The following RIMBP2 variants were observed in gnomAD, a reference collection of about 807,000 sequenced individuals.
RIMBP2 encodes the protein RIMS binding protein 2.
A neutral mutation model predicts 118.6 loss-of-function variants in RIMBP2; 48 were observed. The ratio of observed to expected loss-of-function variants is 0.40; its 90% CI spans 0.32 to 0.51. The LOEUF is 0.51. RIMBP2 is among the 20% of genes least tolerant of loss of function. The probability of loss-of-function intolerance (pLI) is 0.41; values close to 1 mark genes in which losing one functional copy is unlikely to be tolerated. For synonymous variants in RIMBP2, 762 were observed against 742.9 expected, an observed-to-expected ratio of 1.03 and a Z score of -0.42; for missense variants, 1,551 against 1,768.3, an observed-to-expected ratio of 0.88 and a Z score of 2.20.
intron 4 of RIMBP2, among the ~76,000 whole-genome samples, chr12:130,502,301 G>A (rs548685299): frequency 1.0e-3 from 153 of 152,328 alleles, no homozygotes; most frequent in Non-Finnish European, 1.7e-3. Context: ...CAGGCTTCGG[G>A]ACGGTTTGTT....
At chr12:130,687,235 C>T (rs1292819514) in intron 1 of RIMBP2, among the ~76,000 whole-genome samples, 1 of 152,188 alleles carries the variant, frequency 6.6e-6, no homozygotes, top group Non-Finnish European at 1.5e-5. Context: ...CACATCCAAG[C>T]GCCTCTTTCA....
At chr12:130,690,883 C>T (rs972342110) in intron 1 of RIMBP2, among the ~76,000 whole-genome samples, 10 of 152,084 alleles carry the variant, frequency 6.6e-5, no homozygotes, top group African/African-American at 2.4e-4. Flanking sequence ...CCTCTCGCTC[C>T]CCAGTGAGAT....
At chr12:130,698,981 T>A (rs1289315791) in intron 1 of RIMBP2, among the ~76,000 whole-genome samples, 1 of 151,920 alleles carries the variant, frequency 6.6e-6, no homozygotes, top group Non-Finnish European at 1.5e-5. Flanking sequence ...CATGAAAAAA[T>A]GCTCATCATC....
chr12:130,447,667 CAGTGAGGA>C lies in RIMBP2; in HGVS notation c.582-2406_582-2399del, dbSNP rs2078650737. On this transcript the variant is annotated intron_variant, in intron 9 of 22. Transcript: ENST00000690449. This position sits in a 1 kb window ranked among gnomAD's most constrained non-coding sequence, Gnocchi z 4.4. ...GCACACTGCAAGTGGGTGAACTGTG[CAGTGAGGA>C]CCATCTCTCCGTACAGCTGGCGAAA... 2.0e-5 allele frequency among the ~76,000 whole-genome samples: 3 copies of C among 152,140 alleles called. No individual in the cohort carries two copies. Among genetic ancestry groups the C allele is most frequent in the Admixed American group, 6.5e-5 (1 of 15,286 alleles).
intron 4 of RIMBP2, among the ~76,000 whole-genome samples, chr12:130,497,079 C>A (rs977961958): frequency 1.3e-5 from 2 of 152,192 alleles, no homozygotes; most frequent in African/African-American, 4.8e-5. Flanking sequence ...TCCATCCACA[C>A]GTGGCTTCCT....
intron 14 of RIMBP2, chr12:130,430,291 T>A (rs1348984341): frequency 6.6e-6 from 1 of 152,214 alleles, no homozygotes; most frequent in Non-Finnish European, 1.5e-5. Flanking sequence ...CAGTGGAGAA[T>A]GCCAGCAGGC....
At chr12:130,616,835 G>C (rs1177206532) in intron 2 of RIMBP2, among the ~76,000 whole-genome samples, 3 of 152,208 alleles carry the variant, frequency 2.0e-5, no homozygotes, top group Non-Finnish European at 4.4e-5. Context: ...GCCACAGGAA[G>C]GAGAAGTCAG....
At chr12:130,560,091 T>A (rs1410696422) in intron 2 of RIMBP2, among the ~76,000 whole-genome samples, 1 of 152,164 alleles carries the variant, frequency 6.6e-6, no homozygotes, top group African/African-American at 2.4e-5. Context: ...AAGTCCAGGG[T>A]TTGTTTAATC....
intron 1 of RIMBP2, among the ~76,000 whole-genome samples, chr12:130,712,109 G>GGTGA (rs964121048): frequency 5.3e-5 from 8 of 152,194 alleles, no homozygotes; most frequent in African/African-American, 1.9e-4. Flanking sequence ...ACTCTGGGTG[G>GGTGA]GTGAGTGAGT....
At chr12:130,641,709 C>T (rs1222690329) in intron 1 of RIMBP2, among the ~76,000 whole-genome samples, 1 of 152,126 alleles carries the variant, frequency 6.6e-6, no homozygotes, top group Admixed American at 6.5e-5. Context: ...AAGAGGTGGC[C>T]GTGCTGAGAG....
intron 2 of RIMBP2, among the ~76,000 whole-genome samples, chr12:130,548,741 T>C (rs1409864561): frequency 6.6e-6 from 1 of 151,606 alleles, no homozygotes; most frequent in Admixed American, 6.6e-5. Context: ...GCCTGGCTAA[T>C]TTTTGTATTT....
intron 4 of RIMBP2, among the ~76,000 whole-genome samples, chr12:130,505,551 T>TC (rs2050239068): frequency 2.8e-5 from 1 of 35,646 alleles, no homozygotes; most frequent in Non-Finnish European, 5.0e-5. Context: ...CCCCCTCCAC[T>TC]CCCCCCACCA....
intron 1 of RIMBP2, among the ~76,000 whole-genome samples, chr12:130,698,187 G>A (rs1224034954): frequency 1.3e-5 from 2 of 152,156 alleles, no homozygotes; most frequent in African/African-American, 2.4e-5. Flanking sequence ...GACTTTCAAG[G>A]GAGAAGGCGT....
chr12:130,470,858 G>T, intron 5 of RIMBP2, 115 bp from the exon 6 acceptor site: 1 of 502,434 alleles, frequency 2.0e-6, no homozygotes, highest in Non-Finnish European at 3.1e-6. Context: ...TCCTCTAATA[G>T]AGGAATTAAA....
intron 1 of RIMBP2, among the ~76,000 whole-genome samples, chr12:130,639,676 G>T (rs1034295352): frequency 6.6e-6 from 1 of 152,174 alleles, no homozygotes; most frequent in African/African-American, 2.4e-5. Context: ...CAGCTCGGGG[G>T]CTGGGACTAC....
intron 2 of RIMBP2, among the ~76,000 whole-genome samples, chr12:130,598,137 G>T (rs1010385659): frequency 5.9e-5 from 9 of 152,066 alleles, no homozygotes; most frequent in African/African-American, 2.2e-4. Flanking sequence ...GATTAAAATA[G>T]CCTTAAAAAT....
At chr12:130,400,578 T>C (rs2074436113) in intron 21 of RIMBP2, among the ~76,000 whole-genome samples, 1 of 152,190 alleles carries the variant, frequency 6.6e-6, no homozygotes, top group Non-Finnish European at 1.5e-5. Flanking sequence ...CAAAATTGGC[T>C]GGCTCTGGGC....
rs142580940 is a variant in RIMBP2, at chr12:130,404,326, G to T, written c.3765+1846C>A. Among the ~76,000 whole-genome samples, 873 of 152,260 alleles carry T rather than the reference G, an allele frequency of 5.7e-3. 6 individuals carry two copies. The highest frequency in any genetic ancestry group is 0.015 in the African/African-American group (617 of 41,542). ...CCTTTTTGTTTGTTTTTGAGACGGAGTTTCACTGTCACCCAGGCTGGAGTG... is the reference window on the plus strand; with the variant it reads ...CCTTTTTGTTTGTTTTTGAGACGGATTTTCACTGTCACCCAGGCTGGAGTG... On this transcript the variant is annotated intron_variant, in intron 21 of 22. Coordinates refer to ENST00000690449, the MANE Select transcript of RIMBP2 (RefSeq NM_001393629.1).
At chr12:130,589,287 G>A (rs754562851) in intron 2 of RIMBP2, among the ~76,000 whole-genome samples, 7 of 152,188 alleles carry the variant, frequency 4.6e-5, no homozygotes, top group East Asian at 1.9e-4. Flanking sequence ...GCACATGTGC[G>A]CACACATACA....
Sources: gnomAD v4.1 joint callset for allele counts (sites outside exome capture counted in the v4.1 genomes callset) on GRCh38, gnomAD v4.1.1 for gene constraint, Gnocchi (gnomAD v3.1) non-coding constraint, MANE v1.5 for transcripts, NCBI Gene and HGNC (gene_info 2026-07-23, HGNC 2026-07-21) for gene names.